Variants in DLG2 observed in about 807,000 individuals in gnomAD.
DLG2 encodes discs large MAGUK scaffold protein 2.
A neutral mutation model predicts 132.5 loss-of-function variants in DLG2; 45 were observed. The ratio of observed to expected loss-of-function variants is 0.34; its 90% CI spans 0.27 to 0.44. The LOEUF (loss-of-function observed/expected upper bound fraction) is 0.44, where lower values mean the gene tolerates loss of function less well. Ranked by LOEUF, DLG2 falls within the 20% of genes least tolerant of loss-of-function variation. The probability of loss-of-function intolerance (pLI) is 1.00; values close to 1 mark genes in which losing one functional copy is unlikely to be tolerated. For missense variants in DLG2, 1,045 were observed against 1,196.9 expected, an observed-to-expected ratio of 0.87 and a Z score of 1.87; for synonymous variants, 424 against 419.6, an observed-to-expected ratio of 1.01 and a Z score of -0.13.
intron 18 of DLG2, chr11:83,786,471 T>C (rs2039963288): frequency 2.0e-6 from 1 of 495,778 alleles, no homozygotes; most frequent in South Asian, 3.1e-5. Context: ...TGAATTCATA[T>C]TTTCATAGGC....
At chr11:84,504,294 C>T (rs993681167) in intron 7 of DLG2, among the ~76,000 whole-genome samples, 1 of 152,164 alleles carries the variant, frequency 6.6e-6, no homozygotes, top group African/African-American at 2.4e-5. Context: ...CTTACTTAAA[C>T]ATTAACTTCC....
At chr11:84,705,506 C>CAAA (rs1319193778) in intron 6 of DLG2, among the ~76,000 whole-genome samples, 1 of 151,722 alleles carries the variant, frequency 6.6e-6, no homozygotes, top group Admixed American at 6.6e-5. Flanking sequence ...AAAAGCAAAA[C>CAAA]AAATCCTTTC....
At chr11:83,804,697 T>C (rs1402438063) in intron 17 of DLG2, among the ~76,000 whole-genome samples, 1 of 151,914 alleles carries the variant, frequency 6.6e-6, no homozygotes, top group African/African-American at 2.4e-5. Context: ...CTTCCCAGTG[T>C]AAAGACATTT....
At chr11:84,448,348 T>G (rs1266731360) in intron 7 of DLG2, among the ~76,000 whole-genome samples, 1 of 152,094 alleles carries the variant, frequency 6.6e-6, no homozygotes, top group East Asian at 1.9e-4. Context: ...CAATTCCTTA[T>G]GAGCTCAAAT....
chr11:84,976,942 C>A (rs1439537011), intron 6 of DLG2, among the ~76,000 whole-genome samples: 2 of 152,112 alleles, frequency 1.3e-5, no homozygotes, highest in Non-Finnish European at 1.5e-5. Context: ...GGTTTTCCAT[C>A]CAGTCTATAA....
At chr11:85,048,356 G>A (rs1015918037) in intron 6 of DLG2, among the ~76,000 whole-genome samples, 2 of 151,802 alleles carry the variant, frequency 1.3e-5, no homozygotes, top group Non-Finnish European at 2.9e-5. Context: ...AAGTCCTCAG[G>A]AAGTCTATCA....
In DLG2 at chr11:85,205,144, G is replaced by GTA. The variant is rs1425550552; in HGVS notation, c.187-50494_187-50493insTA. 1.4e-3 allele frequency among the ~76,000 whole-genome samples: 197 copies of GTA among 142,828 alleles called. 1 individual carries two copies. Among genetic ancestry groups the GTA allele is most frequent in the Non-Finnish European group, 2.2e-3 (144 of 65,464 alleles). 93.7% of individuals were successfully genotyped at this position (142,828 alleles called of 152,430 possible). A position where few individuals can be genotyped will look rare whatever the true frequency, so the allele number is the denominator to read the frequency against. On this transcript the variant is annotated intron_variant, in intron 4 of 27. Coordinates refer to ENST00000376104, the MANE Select transcript of DLG2 (RefSeq NM_001142699.3). ...ATATATATAATTCATATATATGTGT[G>GTA]TGTATATATATATATATATAGATAT...
chr11:83,719,066 G>A (rs2087611621), intron 18 of DLG2, among the ~76,000 whole-genome samples: 2 of 152,294 alleles, frequency 1.3e-5, no homozygotes, highest in South Asian at 4.2e-4. Flanking sequence ...TCCCTGAAAG[G>A]AGCTACAGTT....
At chr11:84,313,504 GAGAGAGAGAGAC>G (rs2098314132) in intron 7 of DLG2, among the ~76,000 whole-genome samples, 1 of 129,440 alleles carries the variant, frequency 7.7e-6, no homozygotes, top group African/African-American at 2.9e-5. Context: ...AAGAAAGAAA[GAGAGAGAGAGAC>G]AGAGAGAGAG....
intron 7 of DLG2, among the ~76,000 whole-genome samples, chr11:84,381,881 G>T (rs1009046067): frequency 6.6e-6 from 1 of 152,174 alleles, no homozygotes; most frequent in Admixed American, 6.5e-5. Flanking sequence ...CCTCCTGTAA[G>T]GGGGAAGCAT....
In DLG2 at chr11:84,806,678, C is replaced by T. The variant is rs77761739; in HGVS notation, c.358-271947G>A. On this transcript the variant is annotated intron_variant, in intron 6 of 27. Coordinates refer to ENST00000376104, the MANE Select transcript of DLG2 (RefSeq NM_001142699.3). Reference sequence around the variant, plus strand: ...CACCAGAGGACCTATGATAAAATGGCTTCTAGAGAAAGATTTCTAAACAGC... The same window carrying T: ...CACCAGAGGACCTATGATAAAATGGTTTCTAGAGAAAGATTTCTAAACAGC... 1.8e-3 allele frequency among the ~76,000 whole-genome samples: 281 copies of T among 152,172 alleles called. 2 individuals carry two copies. The East Asian group carries it at 0.033, about 18-fold the overall frequency.
chr11:84,686,695 T>C (rs1376407270), intron 6 of DLG2: 2 of 146,180 alleles, frequency 1.4e-5, no homozygotes, highest in South Asian at 2.3e-4. Context: ...AAAACATTCA[T>C]CCATAAGAAT....
At chr11:83,966,413 T>G (rs1370736791) in intron 12 of DLG2, among the ~76,000 whole-genome samples, 3 of 152,038 alleles carry the variant, frequency 2.0e-5, no homozygotes. Context: ...CAGAAATGCC[T>G]CTTTCTTTAT....
chr11:84,939,749 G>A (rs1295292026), intron 6 of DLG2, among the ~76,000 whole-genome samples: 1 of 152,150 alleles, frequency 6.6e-6, no homozygotes, highest in African/African-American at 2.4e-5. Context: ...GCAAATGACA[G>A]TATCTCATTC....
At position 83,930,502 on chromosome 11, in the gene DLG2, G is replaced by A. The variant is rs774321661; in HGVS notation, c.1341-19C>T. 2 of 1,612,356 alleles carry A rather than the reference G, an allele frequency of 1.2e-6. No individual in the cohort carries two copies. The highest frequency in any genetic ancestry group is 1.7e-6 in the Non-Finnish European group (2 of 1,179,034). On this transcript the variant is annotated intron_variant, in intron 14 of 27. Coordinates refer to ENST00000376104, the MANE Select transcript of DLG2 (RefSeq NM_001142699.3). ...CGGAGGCCTGGTGATACAAGAGGAA[G>A]AGAAAGATATGCATGGTTAGTACAT...
At chr11:83,520,826 A>T (rs1371142724) in intron 21 of DLG2, among the ~76,000 whole-genome samples, 2 of 152,154 alleles carry the variant, frequency 1.3e-5, no homozygotes, top group African/African-American at 4.8e-5. Context: ...TGTAGCTCGC[A>T]TCTTAATGAG....
intron 7 of DLG2, among the ~76,000 whole-genome samples, chr11:84,253,452 T>C (rs897755730): frequency 6.6e-6 from 1 of 152,162 alleles, no homozygotes; most frequent in Non-Finnish European, 1.5e-5. Flanking sequence ...TCAGAATTAA[T>C]GTTAAATATT....
intron 5 of DLG2, among the ~76,000 whole-genome samples, chr11:85,147,538 C>T (rs2076947950): frequency 6.6e-6 from 1 of 151,902 alleles, no homozygotes; most frequent in Admixed American, 6.6e-5. Flanking sequence ...GGATATTAAC[C>T]CCTTATCTAA....
intron 15 of DLG2, among the ~76,000 whole-genome samples, chr11:83,887,181 A>T (rs1206209367): frequency 6.6e-6 from 1 of 152,190 alleles, no homozygotes. Context: ...GAAAGGATCA[A>T]CAAAATTGAT....
Sources: allele counts gnomAD v4.1 joint callset (sites outside exome capture counted in the v4.1 genomes callset), GRCh38; gene constraint gnomAD v4.1.1; transcripts MANE v1.5; gene names NCBI Gene and HGNC (gene_info 2026-07-23, HGNC 2026-07-21).